Variants in FAF1 observed in about 807,000 individuals in gnomAD.
The protein encoded by FAF1 is FAS-associated factor 1.
A neutral mutation model predicts 92.5 loss-of-function variants in FAF1; 25 were observed. That is an observed-to-expected ratio of 0.27 (90% CI 0.20 to 0.38). The LOEUF (loss-of-function observed/expected upper bound fraction) is 0.38, where lower values mean the gene tolerates loss of function less well. Ranked by LOEUF, FAF1 falls within the 10% of genes least tolerant of loss-of-function variation. FAF1 has a pLI of 1.00. For synonymous variants in FAF1, 234 were observed against 273.2 expected (o/e 0.86, Z 1.42); for missense variants, 636 against 793.3 (o/e 0.80, Z 2.38).
intron 7 of FAF1, among the ~76,000 whole-genome samples, chr1:50,664,001 T>TC (rs1376231674): frequency 6.8e-6 from 1 of 146,610 alleles, no homozygotes; most frequent in East Asian, 1.9e-4. Flanking sequence ...TGTTAATCTT[T>TC]TTTTTTTTTT....
At chr1:50,567,518 T>C (rs1185905688) in intron 12 of FAF1, among the ~76,000 whole-genome samples, 8 of 152,122 alleles carry the variant, frequency 5.3e-5, no homozygotes, top group Non-Finnish European at 1.2e-4. Flanking sequence ...TGCAAAGGAA[T>C]TGTATTTTGC....
At chr1:50,716,851 C>G (rs936493367) in intron 6 of FAF1, among the ~76,000 whole-genome samples, 1 of 152,186 alleles carries the variant, frequency 6.6e-6, no homozygotes, top group African/African-American at 2.4e-5. Context: ...CCAGCAGTGG[C>G]GACCCACTCG....
At chr1:50,753,450 C>G (rs1659950679) in intron 4 of FAF1, among the ~76,000 whole-genome samples, 2 of 152,174 alleles carry the variant, frequency 1.3e-5, no homozygotes, top group Non-Finnish European at 2.9e-5. Flanking sequence ...TTGCTATAAA[C>G]AATAATGTAC....
At chr1:50,717,860 G>C (rs1015456925) in intron 6 of FAF1, among the ~76,000 whole-genome samples, 1 of 151,910 alleles carries the variant, frequency 6.6e-6, no homozygotes, top group African/African-American at 2.4e-5. Flanking sequence ...TAAAACAATT[G>C]TATGTTTATT....
At chr1:50,809,913 A>G (rs993821549) in intron 2 of FAF1, among the ~76,000 whole-genome samples, 3 of 152,326 alleles carry the variant, frequency 2.0e-5, no homozygotes, top group African/African-American at 7.2e-5. Context: ...TCCAAAAGCT[A>G]ATGCTTTATG....
intron 4 of FAF1, among the ~76,000 whole-genome samples, chr1:50,758,506 A>G (rs759171434): frequency 1.3e-5 from 2 of 152,250 alleles, no homozygotes; most frequent in Non-Finnish European, 2.9e-5. Flanking sequence ...ATACATTGCT[A>G]TAATTTCTAC....
At chr1:50,638,445 CT>C (rs35054798) in intron 8 of FAF1, among the ~76,000 whole-genome samples, 17,885 of 131,410 alleles carry the variant, frequency 0.14, 1,691 homozygotes, top group African/African-American at 0.33. Flanking sequence ...TTTTCTTTTT[CT>C]TTTTTTTTTT....
intron 17 of FAF1, among the ~76,000 whole-genome samples, chr1:50,482,091 G>A (rs1377022080): frequency 1.3e-5 from 2 of 152,078 alleles, no homozygotes; most frequent in African/African-American, 4.8e-5. Flanking sequence ...ATTTGCATAA[G>A]TACCATCACC....
chr1:50,584,336 A>G (rs1308645313), intron 10 of FAF1, among the ~76,000 whole-genome samples: 2 of 152,236 alleles, frequency 1.3e-5, no homozygotes, highest in Non-Finnish European at 1.5e-5. Flanking sequence ...CTTAAAACTG[A>G]TATCTCTAAT....
intron 8 of FAF1, among the ~76,000 whole-genome samples, chr1:50,623,338 C>T (rs546501916): frequency 6.6e-6 from 1 of 151,626 alleles, no homozygotes; most frequent in Admixed American, 6.6e-5. Flanking sequence ...GAGGCCAAGG[C>T]GGGTGGACTG....
At chr1:50,584,852 G>C (rs373303991) in intron 9 of FAF1, 41 bp from the exon 10 acceptor site, 1 of 1,593,496 alleles carries the variant, frequency 6.3e-7, no homozygotes, top group Non-Finnish European at 8.6e-7. Flanking sequence ...ATTGATTTTG[G>C]CCTATCAAAT....
At chr1:50,884,509 G>C (rs148312703) in intron 1 of FAF1, among the ~76,000 whole-genome samples, 4,544 of 148,000 alleles carry the variant, frequency 0.031, 245 homozygotes, top group African/African-American at 0.11. Context: ...GCCACAGAGT[G>C]AGACTCTGTC....
At chr1:50,554,002 C>T (rs890462590) in intron 13 of FAF1, among the ~76,000 whole-genome samples, 1 of 151,704 alleles carries the variant, frequency 6.6e-6, no homozygotes, top group African/African-American at 2.4e-5. Flanking sequence ...AAAAAAAGGC[C>T]TGGGTGGCTG....
chr1:50,898,839 A>T (rs1217397411), intron 1 of FAF1, among the ~76,000 whole-genome samples: 1 of 152,082 alleles, frequency 6.6e-6, no homozygotes, highest in African/African-American at 2.4e-5. Flanking sequence ...AGTTTTCTTC[A>T]TGTTCCCTGT....
At chr1:50,714,654 G>C (rs542836923) in intron 6 of FAF1, among the ~76,000 whole-genome samples, 66 of 152,288 alleles carry the variant, frequency 4.3e-4, no homozygotes, top group Admixed American at 2.1e-3. Context: ...AGAAGGAAAG[G>C]GGGTATGGAG....
chr1:50,718,436 A>T (rs1224974943), intron 6 of FAF1, among the ~76,000 whole-genome samples: 6 of 152,252 alleles, frequency 3.9e-5, no homozygotes, highest in African/African-American at 1.4e-4. Context: ...CAGTGAAATT[A>T]TACTTCTCAA....
intron 6 of FAF1, among the ~76,000 whole-genome samples, chr1:50,710,104 C>A (rs117958180): frequency 6.6e-6 from 1 of 152,292 alleles, no homozygotes; most frequent in East Asian, 1.9e-4. Flanking sequence ...CTGAGGAGCT[C>A]GGAGTTCCAG....
In FAF1 at chr1:50,547,813, G is replaced by C. The variant is rs527814024; in HGVS notation, c.1269-8085C>G. Among the ~76,000 whole-genome samples, 10 of 152,308 alleles carry C rather than the reference G, an allele frequency of 6.6e-5. No homozygotes were observed. The East Asian group carries it at 1.9e-3, about 29-fold the overall frequency. On this transcript the variant is annotated intron_variant, in intron 13 of 18. Transcript: ENST00000396153. ...CTTAAAGTTTAATAACAAGGGTATA[G>C]CTAATCTATAGGAGACAATTTATCC...
intron 6 of FAF1, among the ~76,000 whole-genome samples, chr1:50,736,012 C>T (rs1323199855): frequency 6.6e-6 from 1 of 152,152 alleles, no homozygotes; most frequent in African/African-American, 2.4e-5. Flanking sequence ...AGCTACGGTG[C>T]CCGGCCAACA....
Sources: allele counts gnomAD v4.1 joint callset (sites outside exome capture counted in the v4.1 genomes callset), GRCh38; gene constraint gnomAD v4.1.1; transcripts MANE v1.5; gene names NCBI Gene and HGNC (gene_info 2026-07-23, HGNC 2026-07-21).